Variants in ZEB1 observed in about 807,000 individuals in gnomAD.
The protein encoded by ZEB1 is zinc finger E-box binding homeobox 1, also known as zinc finger E-box-binding homeobox 1.
In ZEB1, 21 loss-of-function variants were observed where a neutral mutation model predicts 84.9. The ratio of observed to expected loss-of-function variants is 0.25; its 90% confidence interval spans 0.18 to 0.36. ZEB1 has a LOEUF of 0.36. Among genes scored for constraint, ZEB1 ranks in the 10% least tolerant of loss-of-function variants. The pLI, the probability that ZEB1 is intolerant of heterozygous loss-of-function variation, is 1.00. For synonymous variants in ZEB1, 420 were observed against 471.1 expected (o/e 0.89, Z 1.41); for missense variants, 1,104 against 1,330.2 (o/e 0.83, Z 2.65).
intron 1 of ZEB1, among the ~76,000 whole-genome samples, chr10:31,427,308 C>T (rs768398248): frequency 6.6e-6 from 1 of 152,064 alleles, no homozygotes; most frequent in Non-Finnish European, 1.5e-5. Flanking sequence ...CTTCTAATTG[C>T]CATATTCTTA....
At chr10:31,430,468 C>T (rs946699971) in intron 1 of ZEB1, among the ~76,000 whole-genome samples, 8 of 152,194 alleles carry the variant, frequency 5.3e-5, no homozygotes, top group Non-Finnish European at 1.2e-4. Flanking sequence ...ACTGCCACTA[C>T]CTGCAGACAT....
chr10:31,361,644 GGCT>G (rs2043104248), intron 1 of ZEB1, among the ~76,000 whole-genome samples: 1 of 149,526 alleles, frequency 6.7e-6, no homozygotes, highest in Non-Finnish European at 1.5e-5. Flanking sequence ...ATGGTGAGGG[GGCT>G]GGGCAGAGGT....
intron 1 of ZEB1, chr10:31,321,472 T>C (rs372602078): frequency 1.2e-6 from 2 of 1,613,926 alleles, no homozygotes; most frequent in African/African-American, 2.7e-5. Context: ...TGTTTTAGCG[T>C]CAAATAGTGT....
At chr10:31,463,259 T>C (rs1311371307) in intron 2 of ZEB1, among the ~76,000 whole-genome samples, 1 of 152,186 alleles carries the variant, frequency 6.6e-6, no homozygotes, top group Non-Finnish European at 1.5e-5. Flanking sequence ...GTTCTGCTTC[T>C]GAGAATATGT....
intron 1 of ZEB1, among the ~76,000 whole-genome samples, chr10:31,451,812 A>T (rs1396712588): frequency 6.6e-6 from 1 of 152,192 alleles, no homozygotes; most frequent in Non-Finnish European, 1.5e-5. Flanking sequence ...TGTTGGGGGC[A>T]GATAGATACA....
At chr10:31,399,487 T>C (rs2051488848) in intron 1 of ZEB1, among the ~76,000 whole-genome samples, 1 of 152,098 alleles carries the variant, frequency 6.6e-6, no homozygotes, top group Non-Finnish European at 1.5e-5. Context: ...TACCAAAATA[T>C]TATCTTGCTT....
At chr10:31,369,435 A>T (rs2045282550) in intron 1 of ZEB1, among the ~76,000 whole-genome samples, 1 of 152,192 alleles carries the variant, frequency 6.6e-6, no homozygotes, top group Admixed American at 6.5e-5. Flanking sequence ...TAGATTCCAC[A>T]TGCAAGTGAG....
At chr10:31,513,087 A>G (rs2070400742) in intron 5 of ZEB1, among the ~76,000 whole-genome samples, 1 of 152,308 alleles carries the variant, frequency 6.6e-6, no homozygotes, top group South Asian at 2.1e-4. Context: ...TTTTATTTTT[A>G]GGGGAACACT....
chr10:31,325,970 T>C (rs2035397768), intron 1 of ZEB1, among the ~76,000 whole-genome samples: 1 of 147,842 alleles, frequency 6.8e-6, no homozygotes, highest in South Asian at 2.1e-4. Context: ...GTTTTGGGTT[T>C]TTTTTTTTTT....
At chr10:31,353,509 C>A (rs2041639808) in intron 1 of ZEB1, among the ~76,000 whole-genome samples, 1 of 152,182 alleles carries the variant, frequency 6.6e-6, no homozygotes, top group Admixed American at 6.5e-5. Context: ...GTTCTACCTT[C>A]TATTTTGCAG....
chr10:31,463,795 C>T (rs2062070487), intron 2 of ZEB1, among the ~76,000 whole-genome samples: 1 of 152,096 alleles, frequency 6.6e-6, no homozygotes, highest in Non-Finnish European at 1.5e-5. Flanking sequence ...TCTATTGGCA[C>T]CAGGCAGAAG....
intron 1 of ZEB1, among the ~76,000 whole-genome samples, chr10:31,460,710 T>C (rs1305019380): frequency 6.6e-6 from 1 of 152,118 alleles, no homozygotes; most frequent in African/African-American, 2.4e-5. Flanking sequence ...TTTTCTTACA[T>C]ATAAAACAAG....
intron 1 of ZEB1, among the ~76,000 whole-genome samples, chr10:31,424,418 A>G (rs76154898): frequency 0.015 from 2,299 of 152,130 alleles, 42 homozygotes; most frequent in African/African-American, 0.052. Flanking sequence ...TGGTGCTGCA[A>G]TTTAGGTATT....
At position 31,512,892 on chromosome 10, in the gene ZEB1, CAT is replaced by C. The variant is rs1372236118; in HGVS notation, c.688-1709_688-1708del. ...ATTCCAGTCAGAGGAAACAGTGAAA[CAT>C]AAGAAAGCCTTGAGGCCAGAACCTG... is the stretch of plus-strand genomic sequence containing the variant. On this transcript the variant is annotated intron_variant, in intron 5 of 8. Coordinates refer to ENST00000424869, the MANE Select transcript of ZEB1 (RefSeq NM_001174096.2). Among the ~76,000 whole-genome samples the C allele has an allele frequency of 5.3e-5, 8 of 152,108 alleles. No individual in the cohort carries two copies. In the East Asian group the frequency reaches 1.5e-3, roughly 29 times the overall value.
chr10:31,407,192 C>A (rs2135643370), intron 1 of ZEB1, among the ~76,000 whole-genome samples: 1 of 150,478 alleles, frequency 6.6e-6, no homozygotes, highest in African/African-American at 2.4e-5. Flanking sequence ...TGCACTGCAC[C>A]CACTAACTCG....
chr10:31,401,673 T>C (rs768643095), intron 1 of ZEB1, among the ~76,000 whole-genome samples: 10 of 152,204 alleles, frequency 6.6e-5, no homozygotes, highest in Non-Finnish European at 1.2e-4. Flanking sequence ...ATTTGCATTT[T>C]CAAAATAAGT....
chr10:31,460,606 G>A (rs2061702516), intron 1 of ZEB1, among the ~76,000 whole-genome samples: 1 of 152,058 alleles, frequency 6.6e-6, no homozygotes, highest in Admixed American at 6.6e-5. Flanking sequence ...GAGTTTAAGA[G>A]CACAAAATAT....
intron 1 of ZEB1, among the ~76,000 whole-genome samples, chr10:31,420,980 A>G (rs926929375): frequency 2.0e-5 from 3 of 152,156 alleles, no homozygotes; most frequent in Admixed American, 1.3e-4. Flanking sequence ...GCTGAGGACC[A>G]ATTTTCTTGT....
chr10:31,381,501 G>C (rs2047625328), intron 1 of ZEB1, among the ~76,000 whole-genome samples: 3 of 152,046 alleles, frequency 2.0e-5, no homozygotes, highest in Admixed American at 2.0e-4. Context: ...AAGAATATTG[G>C]CAAATTATTT....
Sources: gnomAD v4.1 joint callset for allele counts (sites outside exome capture counted in the v4.1 genomes callset) on GRCh38, gnomAD v4.1.1 for gene constraint, MANE v1.5 for transcripts, NCBI Gene and HGNC (gene_info 2026-07-23, HGNC 2026-07-21) for gene names.